Variants in WWOX observed in about 807,000 individuals in gnomAD.
The protein encoded by WWOX is WW domain containing oxidoreductase.
WWOX carries 69 observed loss-of-function variants against 46.2 expected under a neutral mutation model. The observed-to-expected ratio is 1.49, with a 90% CI of 1.23 to 1.82. The LOEUF (loss-of-function observed/expected upper bound fraction) is 1.82, where lower values mean the gene tolerates loss of function less well. Among genes scored for constraint, WWOX ranks in the 40% most tolerant of loss-of-function variants. The pLI is 0.00. For missense variants in WWOX, 919 were observed against 542.6 expected, an observed-to-expected ratio of 1.69 and a Z score of -6.89; for synonymous variants, 359 against 202.6, an observed-to-expected ratio of 1.77 and a Z score of -6.56.
At chr16:78,633,340 C>G (rs972866896) in intron 8 of WWOX, among the ~76,000 whole-genome samples, 1 of 152,126 alleles carries the variant, frequency 6.6e-6, no homozygotes, top group South Asian at 2.1e-4. Context: ...CCAACTAGGT[C>G]GGGACAGGGC....
At chr16:78,785,651 C>G (rs975712864) in intron 8 of WWOX, among the ~76,000 whole-genome samples, 2 of 152,188 alleles carry the variant, frequency 1.3e-5, no homozygotes, top group Admixed American at 6.5e-5. Context: ...GCTATTATAT[C>G]CATTACAAAA....
At chr16:78,707,648 T>C (rs1284807877) in intron 8 of WWOX, among the ~76,000 whole-genome samples, 1 of 152,030 alleles carries the variant, frequency 6.6e-6, no homozygotes, top group Non-Finnish European at 1.5e-5. Flanking sequence ...TTTGGGAGAC[T>C]AAGGCGGGTG....
rs73576448 is a variant in WWOX, at chr16:78,330,821, C to A, written c.517-56039C>A. On this transcript the variant is annotated intron_variant, in intron 5 of 8. Transcript: ENST00000566780. ...AATTTAATTTACGACTTCATTTGTA[C>A]TTTCAAACTTCCTCCTGGAAACAGA... Among the ~76,000 whole-genome samples, 1,403 of 152,316 alleles carry A rather than the reference C, an allele frequency of 9.2e-3. 22 individuals carry two copies. The highest frequency in any genetic ancestry group is 0.032 in the African/African-American group (1,342 of 41,574).
chr16:79,080,398 A>G (rs1474055906), intron 8 of WWOX, among the ~76,000 whole-genome samples: 2 of 152,232 alleles, frequency 1.3e-5, no homozygotes, highest in African/African-American at 2.4e-5. Context: ...AGTCACAACC[A>G]TACCTAGAAC....
At chr16:78,853,123 C>G (rs1358850400) in intron 8 of WWOX, among the ~76,000 whole-genome samples, 1 of 152,164 alleles carries the variant, frequency 6.6e-6, no homozygotes, top group Non-Finnish European at 1.5e-5. Flanking sequence ...TGTTGCATAA[C>G]AATATGTTGT....
At chr16:78,568,354 A>G (rs2044625867) in intron 8 of WWOX, among the ~76,000 whole-genome samples, 1 of 152,074 alleles carries the variant, frequency 6.6e-6, no homozygotes, top group East Asian at 1.9e-4. Context: ...CACCCAGTGC[A>G]AGAACCGTGG....
chr16:79,182,128 A>T (rs539200582), intron 8 of WWOX, among the ~76,000 whole-genome samples: 8 of 148,934 alleles, frequency 5.4e-5, no homozygotes, highest in African/African-American at 1.8e-4. Context: ...ACATTAGAGC[A>T]TTACTTCTCG....
At chr16:79,002,080 A>T (rs1383696204) in intron 8 of WWOX, among the ~76,000 whole-genome samples, 4 of 152,262 alleles carry the variant, frequency 2.6e-5, no homozygotes, top group South Asian at 2.1e-4. Flanking sequence ...TAATCTGGGG[A>T]TGAAAACAGG....
chr16:78,384,525 C>A (rs1334500486), intron 5 of WWOX, among the ~76,000 whole-genome samples: 4 of 152,148 alleles, frequency 2.6e-5, no homozygotes, highest in Admixed American at 2.6e-4. Context: ...CGGGGTGTGA[C>A]TTCACCACAT....
chr16:79,073,671 A>G (rs1027682229), intron 8 of WWOX, among the ~76,000 whole-genome samples: 2 of 152,168 alleles, frequency 1.3e-5, no homozygotes, highest in Non-Finnish European at 2.9e-5. Flanking sequence ...GGAAGAGACT[A>G]TATTTCCCTG....
chr16:78,923,797 T>TTTG (rs2045434881), intron 8 of WWOX, among the ~76,000 whole-genome samples: 1 of 64,792 alleles, frequency 1.5e-5, no homozygotes, highest in African/African-American at 3.8e-5. Flanking sequence ...TTAGTTAGTT[T>TTTG]TTTTTTTTTT....
intron 4 of WWOX, among the ~76,000 whole-genome samples, chr16:78,134,429 C>G (rs2033718764): frequency 6.6e-6 from 1 of 152,124 alleles, no homozygotes; most frequent in South Asian, 2.1e-4. Context: ...CGTTGAGCCC[C>G]TCTTCTCTTA....
chr16:78,734,816 G>A (rs990716290), intron 8 of WWOX, among the ~76,000 whole-genome samples: 1 of 127,316 alleles, frequency 7.9e-6, no homozygotes, highest in Non-Finnish European at 1.6e-5. Context: ...CCTTCTGCCT[G>A]ATGACTCAGG....
chr16:78,298,825 T>C (rs1449415368), intron 5 of WWOX, among the ~76,000 whole-genome samples: 2 of 151,816 alleles, frequency 1.3e-5, no homozygotes, highest in East Asian at 1.9e-4. Flanking sequence ...TCCTTCTAGA[T>C]TGTGAGGATT....
At chr16:79,040,572 G>A (rs750805286) in intron 8 of WWOX, among the ~76,000 whole-genome samples, 5 of 152,074 alleles carry the variant, frequency 3.3e-5, no homozygotes, top group Admixed American at 6.6e-5. Flanking sequence ...CACTGGGCCT[G>A]GCCTGAGTTG....
intron 8 of WWOX, among the ~76,000 whole-genome samples, chr16:78,950,048 G>C (rs2046027266): frequency 6.6e-6 from 1 of 152,182 alleles, no homozygotes; most frequent in African/African-American, 2.4e-5. Context: ...TCTAGGTCTA[G>C]TCTGCCATTT....
intron 8 of WWOX, among the ~76,000 whole-genome samples, chr16:79,045,245 C>T (rs569613446): frequency 6.6e-6 from 1 of 152,326 alleles, no homozygotes; most frequent in South Asian, 2.1e-4. Context: ...CAAGAGCTTT[C>T]TAAGGGTACA....
intron 8 of WWOX, among the ~76,000 whole-genome samples, chr16:78,871,612 C>G (rs2044130361): frequency 6.6e-6 from 1 of 152,288 alleles, no homozygotes. Context: ...AGGTAACAGG[C>G]TCTAGAGAAA....
At chr16:78,756,921 T>G (rs1365352251) in intron 8 of WWOX, 1 of 702,922 alleles carries the variant, frequency 1.4e-6, no homozygotes, top group Non-Finnish European at 2.6e-6. Flanking sequence ...GCCTTACTGA[T>G]GTGGATCATT....
Sources: gnomAD v4.1 joint callset for allele counts (sites outside exome capture counted in the v4.1 genomes callset) on GRCh38, gnomAD v4.1.1 for gene constraint, MANE v1.5 for transcripts, NCBI Gene and HGNC (gene_info 2026-07-23, HGNC 2026-07-21) for gene names.